Variants in SPECC1L observed in about 807,000 individuals in gnomAD.
The protein encoded by SPECC1L is sperm antigen with calponin homology and coiled-coil domains 1 like.
In SPECC1L, 40 loss-of-function variants were observed where a neutral mutation model predicts 116.8. The ratio of observed to expected loss-of-function variants is 0.34; its 90% CI spans 0.27 to 0.45. The LOEUF is 0.45. Ranked by LOEUF, SPECC1L falls within the 20% of genes least tolerant of loss-of-function variation. The probability of loss-of-function intolerance (pLI) is 1.00; values close to 1 mark genes in which losing one functional copy is unlikely to be tolerated. For synonymous variants in SPECC1L, 504 were observed against 500.6 expected (o/e 1.01, Z -0.09); for missense variants, 1,110 against 1,373.6 (o/e 0.81, Z 3.03).
Position 24,322,801 on chromosome 22 carries a change from C to A in SPECC1L, c.1821C>A (p.Asp607Glu), listed in dbSNP as rs1163749736. ...HNSGDKSDIQDLLESVRLDKE... is the reference protein window; with the variant it reads ...HNSGDKSDIQELLESVRLDKE... ...CTGGAGACAAATCTGATATTCAGGA[C>A]CTCCTGGAGAGTGTCAGGCTGGACA... The change falls in exon 5 of 17, where the codon GAC (aspartate) becomes GAA (glutamate). Residue 607 changes from aspartate to glutamate, a missense_variant. Physicochemically the swap from Asp to Glu is conservative, Grantham distance 45 (BLOSUM62 2). Coordinates refer to ENST00000314328, the MANE Select transcript of SPECC1L (RefSeq NM_015330.6). The A allele has an allele frequency of 6.3e-7, 1 of 1,594,966 alleles. No homozygotes were observed. Among genetic ancestry groups the A allele is most frequent in the Non-Finnish European group, 8.5e-7 (1 of 1,171,956 alleles).
At chr22:24,320,117 T>C (rs976022066) in intron 4 of SPECC1L, among the ~76,000 whole-genome samples, 1 of 151,980 alleles carries the variant, frequency 6.6e-6, no homozygotes, top group African/African-American at 2.4e-5. Context: ...CTACTAAAAA[T>C]ACAAAAAAAT....
chr22:24,275,535 T>C (rs2048820101), intron 1 of SPECC1L, among the ~76,000 whole-genome samples: 1 of 151,364 alleles, frequency 6.6e-6, no homozygotes, highest in Non-Finnish European at 1.5e-5. Context: ...CCCTTTTTTC[T>C]CTTGTACACC....
intron 11 of SPECC1L, among the ~76,000 whole-genome samples, chr22:24,356,909 C>T (rs1375672721): frequency 6.6e-6 from 1 of 151,924 alleles, no homozygotes; most frequent in African/African-American, 2.4e-5. Flanking sequence ...TTGTTTTATG[C>T]ATTACAGGAA....
intron 14 of SPECC1L, among the ~76,000 whole-genome samples, chr22:24,410,034 G>A (rs974540163): frequency 6.6e-6 from 1 of 152,228 alleles, no homozygotes; most frequent in Non-Finnish European, 1.5e-5. Context: ...ATTTTAAAAA[G>A]TTGAGGTGGT....
At chr22:24,394,453 C>T (rs1317097820) in intron 14 of SPECC1L, among the ~76,000 whole-genome samples, 1 of 152,208 alleles carries the variant, frequency 6.6e-6, no homozygotes, top group Non-Finnish European at 1.5e-5. Context: ...CAAAGAACCC[C>T]ACCTCCCTAT....
chr22:24,414,497 C>G, intron 16 of SPECC1L, 37 bp from the exon 17 acceptor site: 1 of 1,581,050 alleles, frequency 6.3e-7, no homozygotes, highest in Non-Finnish European at 8.7e-7. Flanking sequence ...CTGGAGGTGA[C>G]CTGCAGTTCT....
chr22:24,324,549 G>T, intron 6 of SPECC1L, 122 bp downstream of exon 6: 1 of 940,068 alleles, frequency 1.1e-6, no homozygotes, highest in South Asian at 1.4e-5. Flanking sequence ...CCAGCACTTT[G>T]GGAGTTCAAA....
chr22:24,406,846 A>G (rs1481510286), intron 14 of SPECC1L, among the ~76,000 whole-genome samples: 1 of 152,132 alleles, frequency 6.6e-6, no homozygotes, highest in Non-Finnish European at 1.5e-5. Context: ...TTGTTCTTAT[A>G]ATTTAGTCAA....
At chr22:24,324,948 G>C (rs553663134) in intron 6 of SPECC1L, among the ~76,000 whole-genome samples, 32 of 152,274 alleles carry the variant, frequency 2.1e-4, no homozygotes, top group African/African-American at 7.5e-4. Flanking sequence ...AGCGAGAATG[G>C]ATTATTTTTT....
chr22:24,295,633 T>A (rs1050388114), intron 2 of SPECC1L, among the ~76,000 whole-genome samples: 1 of 152,116 alleles, frequency 6.6e-6, no homozygotes, highest in African/African-American at 2.4e-5. Context: ...AGTTAGTCCC[T>A]TCAAAATAAA....
chr22:24,351,283 C>T (rs2041416256), intron 11 of SPECC1L, among the ~76,000 whole-genome samples: 1 of 152,198 alleles, frequency 6.6e-6, no homozygotes. Context: ...CCCCAAGTGA[C>T]TCTTAGGAAT....
At chr22:24,305,955 CTT>C (rs972776560) in intron 3 of SPECC1L, among the ~76,000 whole-genome samples, 2 of 150,522 alleles carry the variant, frequency 1.3e-5, no homozygotes, top group African/African-American at 4.9e-5. Flanking sequence ...GAGTTTCACT[CTT>C]GTTGCCCAGG....
intron 2 of SPECC1L, among the ~76,000 whole-genome samples, chr22:24,300,899 A>G (rs1443898178): frequency 6.6e-6 from 1 of 152,186 alleles, no homozygotes; most frequent in Non-Finnish European, 1.5e-5. Context: ...GGTACTGGGA[A>G]AACTGGGTAG....
chr22:24,398,730 G>GC (rs1023587160), intron 14 of SPECC1L, among the ~76,000 whole-genome samples: 1 of 152,042 alleles, frequency 6.6e-6, no homozygotes, highest in East Asian at 1.9e-4. Flanking sequence ...ATTAAAGAAG[G>GC]CCCCCCTGGA....
At chr22:24,274,849 C>T (rs1436826422) in intron 1 of SPECC1L, among the ~76,000 whole-genome samples, 1 of 152,196 alleles carries the variant, frequency 6.6e-6, no homozygotes, top group African/African-American at 2.4e-5. Flanking sequence ...CTTCCCCTAC[C>T]TCTGTTTAGG....
chr22:24,380,417 A>G (rs1302797596), intron 14 of SPECC1L, among the ~76,000 whole-genome samples: 3 of 152,202 alleles, frequency 2.0e-5, no homozygotes, highest in Admixed American at 6.5e-5. Context: ...CACTTAGCAC[A>G]TACTGCTCCC....
chr22:24,383,792 A>ATTTTTTTTTTTTTTTTTTT (rs538972717), intron 14 of SPECC1L, among the ~76,000 whole-genome samples: 3 of 77,336 alleles, frequency 3.9e-5, no homozygotes, highest in Non-Finnish European at 7.0e-5. Context: ...ACCCACCACT[A>ATTTTTTTTTTTTTTTTTTT]TTTTTTTTTT....
intron 2 of SPECC1L, among the ~76,000 whole-genome samples, chr22:24,299,941 T>A (rs955692542): frequency 6.6e-6 from 1 of 152,236 alleles, no homozygotes; most frequent in Non-Finnish European, 1.5e-5. Flanking sequence ...CTCTATAGAT[T>A]TGTTTCTGCT....
chr22:24,325,538 GATTTATTTATTT>G (rs56194800), intron 6 of SPECC1L, among the ~76,000 whole-genome samples: 1,661 of 146,772 alleles, frequency 0.011, 14 homozygotes, highest in Non-Finnish European at 0.018. Flanking sequence ...TACTTAAATG[GATTTATTTATTT>G]ATTTATTTAT....
Sources: gnomAD v4.1 joint callset for allele counts (sites outside exome capture counted in the v4.1 genomes callset) on GRCh38, gnomAD v4.1.1 for gene constraint, MANE v1.5 for transcripts, NCBI Gene and HGNC (gene_info 2026-07-23, HGNC 2026-07-21) for gene names.